Variants in CACNA1C observed in about 807,000 individuals in gnomAD.
The protein encoded by CACNA1C is calcium voltage-gated channel subunit alpha1 C.
CACNA1C carries 30 observed loss-of-function variants against 229.0 expected under a neutral mutation model. The observed-to-expected ratio is 0.13, with a 90% CI of 0.10 to 0.18. The LOEUF (loss-of-function observed/expected upper bound fraction) is 0.18. Among genes scored for constraint, CACNA1C ranks in the 10% least tolerant of loss-of-function variants. The pLI is 1.00. For synonymous variants in CACNA1C, 1,114 were observed against 1,132.5 expected, an observed-to-expected ratio of 0.98 and a Z score of 0.33; for missense variants, 1,658 against 2,845.0, an observed-to-expected ratio of 0.58 and a Z score of 9.49.
chr12:2,369,578 A>G (rs1218212720), intron 3 of CACNA1C, among the ~76,000 whole-genome samples: 1 of 150,942 alleles, frequency 6.6e-6, no homozygotes, highest in Non-Finnish European at 1.5e-5. Flanking sequence ...TTTTTTTTGT[A>G]TTTTTAGTAG....
chr12:2,473,476 T>C (rs1234501844), intron 5 of CACNA1C, among the ~76,000 whole-genome samples: 1 of 152,218 alleles, frequency 6.6e-6, no homozygotes, highest in African/African-American at 2.4e-5. Context: ...TGTTATATGT[T>C]ATATTTTACT....
chr12:2,686,126 T>C (rs2097467309), intron 44 of CACNA1C, 40 bp from the exon 45 acceptor site: 1 of 1,532,458 alleles, frequency 6.5e-7, no homozygotes, highest in African/African-American at 1.4e-5. Flanking sequence ...CAGTGCCCTG[T>C]TTTCCTGCCC....
At chr12:2,545,065 C>T (rs1488956019) in intron 9 of CACNA1C, among the ~76,000 whole-genome samples, 1 of 152,166 alleles carries the variant, frequency 6.6e-6, no homozygotes, top group African/African-American at 2.4e-5. Context: ...TTGGGAAGTG[C>T]TTTGGAGCTT....
At chr12:2,171,478 C>T (rs1446999804) in intron 3 of CACNA1C, among the ~76,000 whole-genome samples, 3 of 152,146 alleles carry the variant, frequency 2.0e-5, no homozygotes, top group Admixed American at 1.3e-4. Flanking sequence ...AGCTCACAGA[C>T]GGGGAGGTGG....
At position 2,315,344 on chromosome 12, in the gene CACNA1C, A is replaced by G. The variant is rs962845900; in HGVS notation, c.478-133632A>G. The stretch of plus-strand genomic sequence containing the variant: ...TGCCAACAATCTGGGCACGAGAGAG[A>G]GATGAGTGTTTGCTTGAGATTGAAT... On this transcript the variant is annotated intron_variant, in intron 3 of 46. Transcript: ENST00000399655. Among the ~76,000 whole-genome samples, 11 of 152,092 alleles carry G rather than the reference A, an allele frequency of 7.2e-5. 1 individual carries two copies. The highest frequency in any genetic ancestry group is 1.5e-4 in the Non-Finnish European group (10 of 68,028).
intron 3 of CACNA1C, among the ~76,000 whole-genome samples, chr12:2,126,476 G>A (rs1369963476): frequency 1.3e-5 from 2 of 152,222 alleles, no homozygotes; most frequent in Non-Finnish European, 2.9e-5. Context: ...TGCATACCCT[G>A]AAGCCCACGA....
chr12:2,648,754 T>C (rs1173512369), intron 31 of CACNA1C, among the ~76,000 whole-genome samples: 1 of 152,182 alleles, frequency 6.6e-6, no homozygotes, highest in African/African-American at 2.4e-5. Flanking sequence ...TGATCTTGAC[T>C]ATCTAACAAG....
intron 3 of CACNA1C, among the ~76,000 whole-genome samples, chr12:2,396,679 CTGGCCTA>C (rs1465602634): frequency 1.3e-5 from 2 of 152,270 alleles, no homozygotes; most frequent in Middle Eastern, 3.2e-3. Context: ...CCAGCAGCCC[CTGGCCTA>C]TGGCCACACA....
In CACNA1C at chr12:2,653,671, T is replaced by C. The variant is rs1603362760; in HGVS notation, c.4075-164T>C. ...AAGTCAGTTCCGGTTTCTCAGACCT[T>C]CTCGCAGGTTCCCCGTAGTCCTGTG... is the stretch of plus-strand genomic sequence containing the variant. On this transcript the variant is annotated intron_variant, in intron 32 of 46. Coordinates refer to ENST00000399655, the MANE Select transcript of CACNA1C (RefSeq NM_000719.7). This position sits in a 1 kb window ranked among gnomAD's most constrained non-coding sequence, Gnocchi z 4.7. Among the ~76,000 whole-genome samples, 1 of 152,340 alleles carries C rather than the reference T, an allele frequency of 6.6e-6. No homozygotes were observed. The highest frequency in any genetic ancestry group is 1.9e-4 in the East Asian group (1 of 5,180).
In CACNA1C at chr12:2,120,361, C is replaced by A; in HGVS notation, c.408C>A (p.Ala136=). 6.2e-7 allele frequency: 1 copy of A among 1,610,004 alleles called. No homozygotes were observed. Among genetic ancestry groups the A allele is most frequent in the Non-Finnish European group, 8.5e-7 (1 of 1,176,348 alleles). ...FEIIILLTIF[A]NCVALAIYIP... The stretch of plus-strand genomic sequence containing the variant: ...TAATTATTTTACTGACTATTTTTGC[C>A]AATTGTGTGGCCTTAGCGATCTATA... Residue 136 remains alanine (A), a synonymous_variant, in exon 3 of 47, where the codon GCC becomes GCA. Transcript: ENST00000399655.
At chr12:2,227,991 C>G (rs2063525267) in intron 3 of CACNA1C, among the ~76,000 whole-genome samples, 1 of 152,178 alleles carries the variant, frequency 6.6e-6, no homozygotes, top group Non-Finnish European at 1.5e-5. Flanking sequence ...TCCCAGGTGC[C>G]TTGTGCTGGA....
Position 2,679,336 on chromosome 12 carries a change from G to T in CACNA1C, c.5092-108G>T. 2 of 809,848 alleles carry T rather than the reference G, an allele frequency of 2.5e-6. No homozygotes were observed. The highest frequency in any genetic ancestry group is 2.7e-5 in the East Asian group (1 of 37,160). 50.2% of individuals were successfully genotyped at this position (809,848 alleles called of 1,614,324 possible). On this transcript the variant is annotated intron_variant, in intron 41 of 46. Transcript: ENST00000399655. The surrounding 1 kb of genome is among the most constrained non-coding windows in gnomAD (Gnocchi z 5.5). ...GGCTGTGCCTACCCGAAAGAAGGCA[G>T]CCCGCCTTCCCAGGCCCTGCACTTC... is the stretch of plus-strand genomic sequence containing the variant.
intron 13 of CACNA1C, among the ~76,000 whole-genome samples, chr12:2,568,063 G>A (rs745776135): frequency 7.7e-4 from 117 of 152,296 alleles, no homozygotes; most frequent in Non-Finnish European, 1.4e-3. Flanking sequence ...GAGGCAGCTA[G>A]CTGAGGTGCC....
intron 3 of CACNA1C, among the ~76,000 whole-genome samples, chr12:2,156,264 A>G (rs1429763519): frequency 2.0e-5 from 3 of 152,226 alleles, no homozygotes; most frequent in African/African-American, 7.2e-5. Flanking sequence ...TATTCATTAA[A>G]CTATAAAAAT....
At chr12:2,120,611 C>T (rs967436281) in intron 3 of CACNA1C, among the ~76,000 whole-genome samples, 181 bp downstream of exon 3, 8 of 151,210 alleles carry the variant, frequency 5.3e-5, no homozygotes, top group African/African-American at 1.5e-4. Context: ...TGTCTCATTC[C>T]GGCCTGTTTT....
At chr12:2,572,905 T>C (rs1003159975) in intron 13 of CACNA1C, among the ~76,000 whole-genome samples, 2 of 116,194 alleles carry the variant, frequency 1.7e-5, no homozygotes, top group East Asian at 5.7e-4. Context: ...TTCTTCCTCC[T>C]TCTCCTCCTC....
chr12:2,624,876 G>C (rs1314676813), intron 29 of CACNA1C, among the ~76,000 whole-genome samples: 1 of 152,238 alleles, frequency 6.6e-6, no homozygotes, highest in Non-Finnish European at 1.5e-5. Context: ...GAGTAGAAAA[G>C]GGACCGGGAA....
Position 2,231,429 on chromosome 12 carries a change from T to G in CACNA1C, c.477+110999T>G, listed in dbSNP as rs1340216414. On this transcript the variant is annotated intron_variant, in intron 3 of 46. Coordinates refer to ENST00000399655, the MANE Select transcript of CACNA1C (RefSeq NM_000719.7). ...CAGTTACAGCTGCATAATGTTTTTATGGTTTTCAAAATGCTTCCGCACAGT... is the reference window on the plus strand; with the variant it reads ...CAGTTACAGCTGCATAATGTTTTTAGGGTTTTCAAAATGCTTCCGCACAGT... 9.2e-5 allele frequency among the ~76,000 whole-genome samples: 14 copies of G among 152,244 alleles called. No homozygotes were observed. In the East Asian group the frequency reaches 2.7e-3, roughly 29 times the overall value.
chr12:2,551,033 G>A (rs1451501244), intron 10 of CACNA1C, among the ~76,000 whole-genome samples: 2 of 152,248 alleles, frequency 1.3e-5, no homozygotes, highest in African/African-American at 4.8e-5. Flanking sequence ...TTAAGCAGCA[G>A]TGCAAACCTC....
Sources: gnomAD v4.1 joint callset for allele counts (sites outside exome capture counted in the v4.1 genomes callset) on GRCh38, gnomAD v4.1.1 for gene constraint, Gnocchi (gnomAD v3.1) non-coding constraint, MANE v1.5 for transcripts, NCBI Gene and HGNC (gene_info 2026-07-23, HGNC 2026-07-21) for gene names.